MAML2: variants seen among roughly 807,000 people sequenced by gnomAD.
The protein encoded by MAML2 is mastermind-like protein 2.
In MAML2, 22 loss-of-function variants were observed where a neutral mutation model predicts 96.1. That is an observed-to-expected ratio of 0.23 (90% CI 0.16 to 0.33). The LOEUF (loss-of-function observed/expected upper bound fraction) is 0.33. MAML2 is among the 10% of genes least tolerant of loss of function. MAML2 has a pLI of 1.00. For missense variants in MAML2, 1,367 were observed against 1,392.4 expected (o/e 0.98, Z 0.29); for synonymous variants, 561 against 521.3 (o/e 1.08, Z -1.04).
At chr11:96,323,299 A>AT (rs1429986966) in intron 1 of MAML2, among the ~76,000 whole-genome samples, 4 of 151,878 alleles carry the variant, frequency 2.6e-5, no homozygotes, top group East Asian at 1.9e-4. Flanking sequence ...TAGGGTATCC[A>AT]TTTTTTTTAA....
intron 1 of MAML2, among the ~76,000 whole-genome samples, chr11:96,264,193 T>A (rs1416822435): frequency 6.6e-6 from 1 of 152,122 alleles, no homozygotes; most frequent in Non-Finnish European, 1.5e-5. Context: ...AGGTTACAGG[T>A]CCGTAACTTT....
intron 1 of MAML2, among the ~76,000 whole-genome samples, chr11:96,122,548 TTGTG>T (rs2135847253): frequency 6.7e-6 from 1 of 149,018 alleles, no homozygotes; most frequent in South Asian, 2.1e-4. Context: ...ACGTGCATGT[TTGTG>T]TATGAGATTT....
intron 1 of MAML2, among the ~76,000 whole-genome samples, chr11:96,164,961 T>C (rs1861168811): frequency 6.6e-6 from 1 of 152,196 alleles, no homozygotes; most frequent in Non-Finnish European, 1.5e-5. Flanking sequence ...GGCAAGAACT[T>C]TCCATTATAT....
chr11:96,172,852 CAT>C (rs1306502660), intron 1 of MAML2, among the ~76,000 whole-genome samples: 2 of 152,216 alleles, frequency 1.3e-5, no homozygotes, highest in Non-Finnish European at 2.9e-5. Context: ...CAGCAGAACA[CAT>C]GTGTACAGAT....
At chr11:95,986,029 T>C (rs1338862001) in intron 3 of MAML2, among the ~76,000 whole-genome samples, 1 of 152,098 alleles carries the variant, frequency 6.6e-6, no homozygotes, top group Admixed American at 6.6e-5. Flanking sequence ...AACACCCCCC[T>C]CTCTTGTTAA....
At chr11:96,171,212 A>G (rs1470714659) in intron 1 of MAML2, among the ~76,000 whole-genome samples, 3 of 152,054 alleles carry the variant, frequency 2.0e-5, no homozygotes, top group Non-Finnish European at 2.9e-5. Flanking sequence ...GGGCTATCAG[A>G]TTGTATGTGA....
intron 1 of MAML2, among the ~76,000 whole-genome samples, chr11:96,202,509 G>C (rs1258297644): frequency 6.6e-6 from 1 of 152,140 alleles, no homozygotes; most frequent in East Asian, 1.9e-4. Context: ...TTCAAAGCCT[G>C]CAAAAATCAG....
chr11:96,136,967 C>CA (rs1052650968), intron 1 of MAML2, among the ~76,000 whole-genome samples: 3 of 152,102 alleles, frequency 2.0e-5, no homozygotes, highest in Admixed American at 6.6e-5. Flanking sequence ...AAGTATCTGC[C>CA]AAAAATCACA....
At chr11:96,135,828 A>G (rs1346903853) in intron 1 of MAML2, among the ~76,000 whole-genome samples, 1 of 149,168 alleles carries the variant, frequency 6.7e-6, no homozygotes, top group Admixed American at 6.7e-5. Context: ...ATGCCACTAC[A>G]CTCCAGCCTG....
intron 1 of MAML2, among the ~76,000 whole-genome samples, chr11:96,187,128 A>G (rs1037461281): frequency 5.9e-5 from 9 of 152,090 alleles, no homozygotes; most frequent in Non-Finnish European, 1.3e-4. Flanking sequence ...GGTCTTTCTT[A>G]CCTCTGTGAA....
At chr11:96,215,683 C>T (rs906014855) in intron 1 of MAML2, among the ~76,000 whole-genome samples, 30 of 151,434 alleles carry the variant, frequency 2.0e-4, no homozygotes, top group African/African-American at 7.0e-4. Context: ...GTCCTGGGCT[C>T]GTTCCTGCAC....
At chr11:96,005,600 G>A (rs987776635) in intron 2 of MAML2, among the ~76,000 whole-genome samples, 1 of 152,206 alleles carries the variant, frequency 6.6e-6, no homozygotes, top group African/African-American at 2.4e-5. Context: ...TGAGGGTGGA[G>A]AGTAGGGGAT....
intron 1 of MAML2, among the ~76,000 whole-genome samples, chr11:96,159,510 CG>C (rs11334529): frequency 0.84 from 125,197 of 148,778 alleles, 53,182 homozygotes; most frequent in East Asian, 0.97. Context: ...CTGCGAGCTC[CG>C]GCCTCCCGGG....
intron 2 of MAML2, among the ~76,000 whole-genome samples, chr11:96,074,625 T>C (rs1859404858): frequency 6.6e-6 from 1 of 152,224 alleles, no homozygotes; most frequent in African/African-American, 2.4e-5. Context: ...TGCATTTGGA[T>C]TCTATATTGT....
At chr11:96,193,788 CCAAA>C (rs1444068310) in intron 1 of MAML2, among the ~76,000 whole-genome samples, 9 of 152,154 alleles carry the variant, frequency 5.9e-5, no homozygotes, top group Admixed American at 2.0e-4. Context: ...TTTACTTTAG[CCAAA>C]CAGTCTCCTT....
At chr11:96,328,683 T>C (rs1863816954) in intron 1 of MAML2, among the ~76,000 whole-genome samples, 1 of 152,182 alleles carries the variant, frequency 6.6e-6, no homozygotes, top group South Asian at 2.1e-4. Flanking sequence ...GGAAAATTTT[T>C]CTTTGTTGGT....
At chr11:96,310,153 T>C (rs1298578545) in intron 1 of MAML2, among the ~76,000 whole-genome samples, 2 of 152,176 alleles carry the variant, frequency 1.3e-5, no homozygotes, top group Non-Finnish European at 2.9e-5. Flanking sequence ...AATTCTTCTA[T>C]ACATAAACTG....
At chr11:96,026,097 G>A (rs1232926002) in intron 2 of MAML2, among the ~76,000 whole-genome samples, 1 of 152,162 alleles carries the variant, frequency 6.6e-6, no homozygotes, top group Non-Finnish European at 1.5e-5. Context: ...AAGAGGTTGA[G>A]TAACTAGCCC....
At chr11:96,071,343 C>T (rs1859341558) in intron 2 of MAML2, among the ~76,000 whole-genome samples, 1 of 152,248 alleles carries the variant, frequency 6.6e-6, no homozygotes, top group Non-Finnish European at 1.5e-5. Flanking sequence ...CTGTATGTGA[C>T]CTAGCAAAGG....
Sources: gnomAD v4.1 joint callset for allele counts (sites outside exome capture counted in the v4.1 genomes callset) on GRCh38, gnomAD v4.1.1 for gene constraint, MANE v1.5 for transcripts, NCBI Gene and HGNC (gene_info 2026-07-23, HGNC 2026-07-21) for gene names.